PPP3CA: variants seen among roughly 807,000 people sequenced by gnomAD.
The protein encoded by PPP3CA is protein phosphatase 3 catalytic subunit alpha, also known as CAM-PRP catalytic subunit.
In PPP3CA, 14 loss-of-function variants were observed where a neutral mutation model predicts 66.5. The observed-to-expected ratio is 0.21, with a 90% CI of 0.14 to 0.33. The LOEUF is 0.33. Among genes scored for constraint, PPP3CA ranks in the 10% least tolerant of loss-of-function variants. The pLI is 1.00. For synonymous variants in PPP3CA, 232 were observed against 226.2 expected (o/e 1.03, Z -0.23); for missense variants, 317 against 639.5 (o/e 0.50, Z 5.44).
chr4:101,155,709 C>A (rs1356331464), intron 2 of PPP3CA, among the ~76,000 whole-genome samples: 1 of 152,188 alleles, frequency 6.6e-6, no homozygotes, highest in Non-Finnish European at 1.5e-5. Context: ...TTGGGAAGCA[C>A]ATAACTACTT....
intron 1 of PPP3CA, among the ~76,000 whole-genome samples, chr4:101,206,488 G>A (rs1032437363): frequency 4.6e-5 from 7 of 152,102 alleles, no homozygotes; most frequent in Admixed American, 6.5e-5. Flanking sequence ...GCATCCATAC[G>A]TAAGGTAAAT....
At chr4:101,195,412 T>C (rs1724757483) in intron 2 of PPP3CA, among the ~76,000 whole-genome samples, 1 of 152,148 alleles carries the variant, frequency 6.6e-6, no homozygotes, top group Non-Finnish European at 1.5e-5. Context: ...ACACAGATTG[T>C]TGGGTCTCAC....
At chr4:101,333,275 T>G (rs1023475064) in intron 1 of PPP3CA, among the ~76,000 whole-genome samples, 42 of 32,262 alleles carry the variant, frequency 1.3e-3, no homozygotes, top group Non-Finnish European at 6.2e-4. Context: ...GCCCAGTTTT[T>G]TTTTTTTTTT....
intron 1 of PPP3CA, among the ~76,000 whole-genome samples, chr4:101,213,593 A>T (rs536381004): frequency 3.0e-4 from 45 of 152,282 alleles, no homozygotes; most frequent in African/African-American, 1.1e-3. Flanking sequence ...CAACCATAAG[A>T]CACTATCCAC....
chr4:101,102,083 A>G (rs1185816772), intron 3 of PPP3CA, among the ~76,000 whole-genome samples: 1 of 152,244 alleles, frequency 6.6e-6, no homozygotes, highest in Non-Finnish European at 1.5e-5. Flanking sequence ...GCACGATGCT[A>G]AATATTTCTA....
At chr4:101,206,759 T>A (rs935783657) in intron 1 of PPP3CA, among the ~76,000 whole-genome samples, 38 of 152,322 alleles carry the variant, frequency 2.5e-4, no homozygotes, top group Admixed American at 1.5e-3. Context: ...ACTCACAATT[T>A]ATTTAATACT....
intron 1 of PPP3CA, among the ~76,000 whole-genome samples, chr4:101,288,439 T>C (rs1352908313): frequency 1.3e-5 from 2 of 152,060 alleles, no homozygotes; most frequent in Non-Finnish European, 1.5e-5. Flanking sequence ...AATTAATTAA[T>C]TACTCTCAAG....
chr4:101,302,941 G>A (rs541795272), intron 1 of PPP3CA, among the ~76,000 whole-genome samples: 2 of 152,310 alleles, frequency 1.3e-5, no homozygotes, highest in East Asian at 1.9e-4. Context: ...AAGGTTGAAT[G>A]TATGTCTTGC....
chr4:101,085,793 T>C (rs78897335), intron 6 of PPP3CA, among the ~76,000 whole-genome samples: 8,078 of 151,800 alleles, frequency 0.053, 351 homozygotes, highest in African/African-American at 0.11. Flanking sequence ...ATGGAAATTA[T>C]CACAAATCAC....
intron 8 of PPP3CA, among the ~76,000 whole-genome samples, chr4:101,080,078 C>T (rs1729368364): frequency 6.6e-6 from 1 of 152,178 alleles, no homozygotes; most frequent in African/African-American, 2.4e-5. Flanking sequence ...ACTTGCCTAG[C>T]ATAGGAACTG....
chr4:101,156,278 T>C (rs549459809), intron 2 of PPP3CA, among the ~76,000 whole-genome samples: 31 of 152,198 alleles, frequency 2.0e-4, no homozygotes, highest in African/African-American at 7.2e-4. Context: ...CCAGTCCCCA[T>C]GTGAAGCCCA....
intron 2 of PPP3CA, among the ~76,000 whole-genome samples, chr4:101,183,995 C>G (rs1023244962): frequency 2.6e-5 from 4 of 151,974 alleles, no homozygotes; most frequent in Admixed American, 2.6e-4. Flanking sequence ...TTCTACAGGC[C>G]CAAGCTCACA....
chr4:101,285,591 C>CTGTGTGTGTGTG (rs1394871373), intron 1 of PPP3CA, among the ~76,000 whole-genome samples: 2 of 131,752 alleles, frequency 1.5e-5, no homozygotes, highest in African/African-American at 5.9e-5. Flanking sequence ...TCAAATGCCA[C>CTGTGTGTGTGTG]TGTGTGTATG....
intron 2 of PPP3CA, among the ~76,000 whole-genome samples, chr4:101,195,341 C>T (rs78666081): frequency 0.019 from 2,890 of 151,930 alleles, 40 homozygotes; most frequent in Non-Finnish European, 0.031. Context: ...GTCCTTCTTC[C>T]GAAAGTTCAG....
chr4:101,121,467 T>C (rs1422595273), intron 2 of PPP3CA, among the ~76,000 whole-genome samples: 1 of 152,136 alleles, frequency 6.6e-6, no homozygotes, highest in African/African-American at 2.4e-5. Context: ...CTAAATCTCT[T>C]ATTAGTCATG....
chr4:101,215,442 T>C (rs911224852), intron 1 of PPP3CA, among the ~76,000 whole-genome samples: 1 of 152,028 alleles, frequency 6.6e-6, no homozygotes, highest in Admixed American at 6.6e-5. Flanking sequence ...CAATTCCTCA[T>C]TTCTAATATT....
chr4:101,085,425 T>C (rs1432625348), intron 6 of PPP3CA, among the ~76,000 whole-genome samples: 2 of 152,212 alleles, frequency 1.3e-5, no homozygotes, highest in South Asian at 4.1e-4. Context: ...GATACCCTTA[T>C]GTGTTTAAGC....
At chr4:101,053,578 C>T (rs768960171) in intron 10 of PPP3CA, among the ~76,000 whole-genome samples, 13 of 152,060 alleles carry the variant, frequency 8.5e-5, no homozygotes, top group Non-Finnish European at 1.8e-4. Flanking sequence ...CTGTCACTAG[C>T]CCCAATTTCT....
At chr4:101,070,533 C>T (rs564172726) in intron 8 of PPP3CA, among the ~76,000 whole-genome samples, 1 of 152,250 alleles carries the variant, frequency 6.6e-6, no homozygotes, top group African/African-American at 2.4e-5. Context: ...TCTTTACCTT[C>T]CAAACTTATA....
Sources: allele counts gnomAD v4.1 joint callset (sites outside exome capture counted in the v4.1 genomes callset), GRCh38; gene constraint gnomAD v4.1.1; transcripts MANE v1.5; gene names NCBI Gene and HGNC (gene_info 2026-07-23, HGNC 2026-07-21).